ACBD5: variants seen among roughly 807,000 people sequenced by gnomAD.
The protein encoded by ACBD5 is acyl-CoA binding domain containing 5.
A neutral mutation model predicts 71.8 loss-of-function variants in ACBD5; 40 were observed. The observed-to-expected ratio is 0.56, with a 90% CI of 0.43 to 0.72. The LOEUF (loss-of-function observed/expected upper bound fraction) is 0.72. ACBD5 is among the 30% of genes least tolerant of loss of function. The probability of loss-of-function intolerance (pLI) is 0.00; values close to 1 mark genes in which losing one functional copy is unlikely to be tolerated. For synonymous variants in ACBD5, 229 were observed against 218.6 expected, an observed-to-expected ratio of 1.05 and a Z score of -0.42; for missense variants, 559 against 644.5, an observed-to-expected ratio of 0.87 and a Z score of 1.44.
chr10:27,223,015 T>C (rs2062552328), intron 5 of ACBD5, among the ~76,000 whole-genome samples: 4 of 152,206 alleles, frequency 2.6e-5, no homozygotes, highest in Admixed American at 2.6e-4. Flanking sequence ...GTAAACTACC[T>C]GGTGTATTTT....
chr10:27,195,292 G>C lies in ACBD5; in HGVS notation c.*2138C>G. 1 of 438,800 alleles carries C rather than the reference G, an allele frequency of 2.3e-6. No homozygotes were observed. Among genetic ancestry groups the C allele is most frequent in the Non-Finnish European group, 4.5e-6 (1 of 222,122 alleles). The allele number at this position is 438,800 out of a possible 1,614,324, so 27.2% of individuals were successfully genotyped here. A position where few individuals can be genotyped will look rare whatever the true frequency, so the allele number is the denominator to read the frequency against. On this transcript the variant is annotated 3_prime_UTR_variant, in exon 13 of 13. Coordinates refer to ENST00000396271, the MANE Select transcript of ACBD5 (RefSeq NM_145698.5). The stretch of plus-strand genomic sequence containing the variant: ...AAGTTATCATTAAAAAAATACCATA[G>C]CTGTCAAGTTTAAATGAGGTTCTTA...
At chr10:27,191,515 G>A (rs1289645528), downstream of ACBD5, among the ~76,000 whole-genome samples, 1 of 152,100 alleles carries the variant, frequency 6.6e-6, no homozygotes, top group Non-Finnish European at 1.5e-5. Context: ...TGTGCAGGTG[G>A]GGCGGGGGGA....
chr10:27,205,623 C>T (rs1254226341), intron 10 of ACBD5, among the ~76,000 whole-genome samples: 5 of 151,880 alleles, frequency 3.3e-5, no homozygotes, highest in Non-Finnish European at 7.4e-5. Flanking sequence ...TTTTGAGACA[C>T]GATCTTGGCT....
intron 8 of ACBD5, 56 bp from the exon 9 acceptor site, chr10:27,211,137 A>T: frequency 6.4e-7 from 1 of 1,570,542 alleles, no homozygotes; most frequent in Non-Finnish European, 8.7e-7. Context: ...TATACACCAC[A>T]AAGTTTTTAC....
chr10:27,218,149 C>A lies in ACBD5; in HGVS notation c.660G>T (p.Lys220Asn). 6.2e-7 allele frequency: 1 copy of A among 1,614,068 alleles called. No homozygotes were observed. The highest frequency in any genetic ancestry group is 8.5e-7 in the Non-Finnish European group (1 of 1,179,974). Reference sequence around the variant, plus strand: ...CATTAGTGACAATGACTTCCAAATTCTTATGGTCTGCTGACTTCTTCATCA... The same window carrying A: ...CATTAGTGACAATGACTTCCAAATTATTATGGTCTGCTGACTTCTTCATCA... ...KKMMKKSADH[K>N]NLEVIVTNGY... Residue 220 changes from lysine to asparagine, a missense_variant, in exon 7 of 13, where the codon AAG (lysine) becomes AAT (asparagine). Physicochemically the swap from Lys to Asn is moderately conservative, Grantham distance 94. Coordinates refer to ENST00000396271, the MANE Select transcript of ACBD5 (RefSeq NM_145698.5).
At chr10:27,185,959 C>G (rs969137660) in intron 13 of ACBD5, among the ~76,000 whole-genome samples, 1 of 151,920 alleles carries the variant, frequency 6.6e-6, no homozygotes, top group Admixed American at 6.6e-5. Context: ...TGTGGTGGCA[C>G]ACACCTGTAA....
Position 27,204,447 on chromosome 10 carries a change from T to C in ACBD5, c.1558A>G (p.Arg520Gly), listed in dbSNP as rs1589028793. Residue 520 changes from arginine (R) to glycine (G), a missense_variant, in exon 12 of 13, where the codon AGG becomes GGG. Transcript: ENST00000396271. ...TGATGAAACTGGTCTTACCTTCTCC[T>C]TCTTTGATAGTATAAATACACCAAC... Reference protein sequence around the residue: ...QWLVYLYYQRRRRKLN With the variant: ...QWLVYLYYQRGRRKLN The C allele has an allele frequency of 1.9e-6, 3 of 1,612,024 alleles. No homozygotes were observed. The highest frequency in any genetic ancestry group is 1.7e-5 in the Admixed American group (1 of 60,008).
chr10:27,217,183 C>T (rs1455924785), intron 7 of ACBD5, among the ~76,000 whole-genome samples: 50 of 145,266 alleles, frequency 3.4e-4, no homozygotes, highest in African/African-American at 1.2e-3. Context: ...CGGCCGGGCG[C>T]GTTGCCTCAC....
intron 13 of ACBD5, among the ~76,000 whole-genome samples, chr10:27,188,765 C>A (rs1431881019): frequency 6.6e-6 from 1 of 152,090 alleles, no homozygotes; most frequent in Non-Finnish European, 1.5e-5. Flanking sequence ...GATGTAGATT[C>A]AGACACTTGC....
At chr10:27,193,100 CTCTT>C (rs1193775591), downstream of ACBD5, among the ~76,000 whole-genome samples, 1 of 133,072 alleles carries the variant, frequency 7.5e-6, no homozygotes, top group South Asian at 2.9e-4. Context: ...CTTCCTCTCT[CTCTT>C]TCCTTCCTTC....
At chr10:27,238,404 C>T (rs1480958291) in intron 2 of ACBD5, among the ~76,000 whole-genome samples, 2 of 152,218 alleles carry the variant, frequency 1.3e-5, no homozygotes, top group Non-Finnish European at 2.9e-5. Flanking sequence ...ATCAGTCTAG[C>T]TTTACCAATT....
intron 3 of ACBD5, among the ~76,000 whole-genome samples, chr10:27,232,951 C>T (rs1342405494): frequency 6.6e-6 from 1 of 152,000 alleles, no homozygotes; most frequent in Non-Finnish European, 1.5e-5. Context: ...TTTAATACTA[C>T]TAAAATTAAG....
At chr10:27,201,939 T>G (rs927590161) in intron 12 of ACBD5, among the ~76,000 whole-genome samples, 1 of 152,190 alleles carries the variant, frequency 6.6e-6, no homozygotes, top group Non-Finnish European at 1.5e-5. Context: ...AGGGATTCAG[T>G]CATAGACTCA....
chr10:27,229,360 T>C (rs113260938), intron 4 of ACBD5, among the ~76,000 whole-genome samples: 7,898 of 151,460 alleles, frequency 0.052, 554 homozygotes, highest in African/African-American at 0.16. Flanking sequence ...AAGACCGAGG[T>C]GAGTGTATCA....
At position 27,240,772 on chromosome 10, in the gene ACBD5, A is replaced by G. The variant is rs1564748451; in HGVS notation, c.-84T>C. 1 of 1,538,334 alleles carries G rather than the reference A, an allele frequency of 6.5e-7. No homozygotes were observed. Among genetic ancestry groups the G allele is most frequent in the Non-Finnish European group, 8.8e-7 (1 of 1,137,628 alleles). The stretch of plus-strand genomic sequence containing the variant: ...CTGGGGACCCTGGCGGAGCAGCCAC[A>G]CCCCCCATTCCGCCGGAGTCCGTCT... On this transcript the variant is annotated 5_prime_UTR_variant, in exon 1 of 13. Transcript: ENST00000396271. This position sits in a 1 kb window ranked among gnomAD's most constrained non-coding sequence, Gnocchi z 4.1.
At chr10:27,239,693 G>T (rs2065209387) in intron 2 of ACBD5, among the ~76,000 whole-genome samples, 1 of 152,104 alleles carries the variant, frequency 6.6e-6, no homozygotes, top group Non-Finnish European at 1.5e-5. Context: ...GCTTAAGCTG[G>T]TAGACCCTAT....
chr10:27,223,953 A>G (rs549413810), intron 4 of ACBD5, among the ~76,000 whole-genome samples: 2 of 152,066 alleles, frequency 1.3e-5, no homozygotes, highest in Admixed American at 6.6e-5. Context: ...TAAAAAAAGT[A>G]TATACACTCC....
intron 2 of ACBD5, among the ~76,000 whole-genome samples, chr10:27,238,452 TATAAAC>T (rs1564736029): frequency 6.6e-6 from 1 of 152,334 alleles, no homozygotes; most frequent in Non-Finnish European, 1.5e-5. Context: ...TAGAAGAAAG[TATAAAC>T]ATACTACTTA....
At position 27,240,389 on chromosome 10, in the gene ACBD5, C is replaced by T. The variant is rs2065330737; in HGVS notation, c.111G>A (p.Ala37=). ...TAGTCTCGTGCACGGATCTCGTGTC[C>T]GCCATCTCCAGCTGCCAGTGTTGGC... ...DRGQHWQLEM[A]DTRSVHETRF... Residue 37 remains alanine, a synonymous_variant, in exon 2 of 13, where the codon GCG becomes GCA. Coordinates refer to ENST00000396271, the MANE Select transcript of ACBD5 (RefSeq NM_145698.5). This position sits in a 1 kb window ranked among gnomAD's most constrained non-coding sequence, Gnocchi z 4.1. 6.2e-7 allele frequency: 1 copy of T among 1,613,942 alleles called. No homozygotes were observed. The highest frequency in any genetic ancestry group is 1.3e-5 in the African/African-American group (1 of 74,910).
Sources: allele counts gnomAD v4.1 joint callset (sites outside exome capture counted in the v4.1 genomes callset), GRCh38; gene constraint gnomAD v4.1.1; non-coding constraint Gnocchi (gnomAD v3.1); transcripts MANE v1.5; gene names NCBI Gene and HGNC (gene_info 2026-07-23, HGNC 2026-07-21).